NDUFV2: variants seen among roughly 807,000 people sequenced by gnomAD.
NDUFV2 encodes the protein NADH:ubiquinone oxidoreductase core subunit V2, also known as NADH dehydrogenase [ubiquinone] flavoprotein 2, mitochondrial.
A neutral mutation model predicts 31.6 loss-of-function variants in NDUFV2; 18 were observed. The observed-to-expected ratio is 0.57, with a 90% CI of 0.39 to 0.84. The LOEUF is 0.84. Ranked by LOEUF, NDUFV2 falls within the 40% of genes least tolerant of loss-of-function variation. The pLI is 0.00. For missense variants in NDUFV2, 314 were observed against 303.6 expected, an observed-to-expected ratio of 1.03 and a Z score of -0.26; for synonymous variants, 83 against 99.8, an observed-to-expected ratio of 0.83 and a Z score of 1.01.
At chr18:9,104,071 C>A in intron 1 of NDUFV2, 1 of 1,410,714 alleles carries the variant, frequency 7.1e-7, no homozygotes, top group Non-Finnish European at 9.8e-7. Context: ...TAGGGTCATC[C>A]AATGTGGTTT....
chr18:9,108,029 CTTGTCCTTAGAACAA>C (rs1022409500), intron 1 of NDUFV2, among the ~76,000 whole-genome samples: 1 of 152,118 alleles, frequency 6.6e-6, no homozygotes, highest in African/African-American at 2.4e-5. Context: ...ATAAATTATT[CTTGTCCTTAGAACAA>C]TTGGTTGTTG....
intron 1 of NDUFV2, among the ~76,000 whole-genome samples, chr18:9,104,479 G>C (rs778930065): frequency 4.6e-5 from 7 of 152,196 alleles, no homozygotes; most frequent in Non-Finnish European, 1.0e-4. Flanking sequence ...GGTGAAAGAT[G>C]ATGAGGATCA....
chr18:9,126,637 G>A (rs545798452), intron 6 of NDUFV2, 194 bp from the exon 7 acceptor site: 31 of 544,990 alleles, frequency 5.7e-5, no homozygotes, highest in South Asian at 4.3e-4. Flanking sequence ...GATTTCAGCC[G>A]TAGAAAGTAA....
At chr18:9,112,106 C>T (rs1440401219) in intron 1 of NDUFV2, among the ~76,000 whole-genome samples, 1 of 151,130 alleles carries the variant, frequency 6.6e-6, no homozygotes, top group Non-Finnish European at 1.5e-5. Flanking sequence ...GCAACCTCCA[C>T]CTCCTGGGTT....
intron 7 of NDUFV2, among the ~76,000 whole-genome samples, chr18:9,131,619 A>T (rs2078040782): frequency 6.6e-6 from 1 of 152,236 alleles, no homozygotes; most frequent in Non-Finnish European, 1.5e-5. Context: ...ATATCTCAGC[A>T]ATAGTAAAAA....
intron 1 of NDUFV2, among the ~76,000 whole-genome samples, chr18:9,108,499 A>G (rs1239228435): frequency 6.6e-6 from 1 of 152,186 alleles, no homozygotes; most frequent in Non-Finnish European, 1.5e-5. Flanking sequence ...ACAAGATAAT[A>G]ATACCTACTT....
At chr18:9,129,904 T>C (rs547871757) in intron 7 of NDUFV2, among the ~76,000 whole-genome samples, 17 of 152,216 alleles carry the variant, frequency 1.1e-4, no homozygotes, top group Non-Finnish European at 2.2e-4. Context: ...ATGTGGAGAT[T>C]AGAATTTAGT....
intron 5 of NDUFV2, among the ~76,000 whole-genome samples, chr18:9,123,645 C>T (rs2077960027): frequency 1.3e-5 from 2 of 152,044 alleles, no homozygotes; most frequent in East Asian, 3.8e-4. Flanking sequence ...CTGCCAAGCC[C>T]AGCTAATTGA....
intron 1 of NDUFV2, chr18:9,104,151 T>C (rs1415826335): frequency 6.2e-7 from 1 of 1,612,554 alleles, no homozygotes; most frequent in Non-Finnish European, 8.5e-7. Flanking sequence ...GTATTCTAGG[T>C]GGAAAGGACA....
intron 4 of NDUFV2, among the ~76,000 whole-genome samples, chr18:9,122,179 A>G (rs2077942399): frequency 6.6e-6 from 1 of 152,214 alleles, no homozygotes; most frequent in African/African-American, 2.4e-5. Context: ...GTGAGTTGAC[A>G]TGATCAAAGT....
chr18:9,116,446 T>A (rs2144738266), intron 1 of NDUFV2, among the ~76,000 whole-genome samples: 1 of 152,308 alleles, frequency 6.6e-6, no homozygotes, highest in South Asian at 2.1e-4. Context: ...ATTAAAAAAA[T>A]TTTCTGAGCT....
Position 9,117,825 on chromosome 18 carries a change from T to G in NDUFV2, c.55-13T>G. On this transcript the variant is annotated splice_polypyrimidine_tract_variant and intron_variant, in intron 1 of 7. Transcript: ENST00000318388. Reference sequence around the variant, plus strand: ...TATGATTTACTAAACTTTCTTAAAATTTTAAATTTTAGGGAAGACATGTAA... The same window carrying G: ...TATGATTTACTAAACTTTCTTAAAAGTTTAAATTTTAGGGAAGACATGTAA... The G allele has an allele frequency of 6.5e-7, 1 of 1,539,528 alleles. No individual in the cohort carries two copies. Among genetic ancestry groups the G allele is most frequent in the Non-Finnish European group, 9.0e-7 (1 of 1,113,474 alleles).
chr18:9,124,785 T>C, intron 5 of NDUFV2, 89 bp from the exon 6 acceptor site: 4 of 1,311,206 alleles, frequency 3.1e-6, no homozygotes, highest in East Asian at 2.6e-5. Flanking sequence ...ACTTTTAATA[T>C]ACCTCTATAA....
At chr18:9,124,457 T>G (rs2077969584) in intron 5 of NDUFV2, among the ~76,000 whole-genome samples, 1 of 148,962 alleles carries the variant, frequency 6.7e-6, no homozygotes, top group African/African-American at 2.5e-5. Flanking sequence ...CTTTTTTTTT[T>G]TTTTTTTTGG....
chr18:9,127,351 A>G (rs1328851301), intron 7 of NDUFV2, among the ~76,000 whole-genome samples: 1 of 152,148 alleles, frequency 6.6e-6, no homozygotes, highest in Non-Finnish European at 1.5e-5. Context: ...CAATTGTTTC[A>G]TTGTTTTTCT....
intron 4 of NDUFV2, among the ~76,000 whole-genome samples, chr18:9,120,459 G>A (rs1172100944): frequency 6.6e-6 from 1 of 152,124 alleles, no homozygotes; most frequent in Non-Finnish European, 1.5e-5. Context: ...CTAAATCAGT[G>A]CATTTTCTAC....
chr18:9,119,856 C>T (rs1455593515), intron 4 of NDUFV2, among the ~76,000 whole-genome samples: 1 of 151,090 alleles, frequency 6.6e-6, no homozygotes, highest in Non-Finnish European at 1.5e-5. Context: ...AGGAAATGGT[C>T]AAAGATAAAA....
At chr18:9,104,837 CAA>C (rs2077833562) in intron 1 of NDUFV2, 2 of 1,195,550 alleles carry the variant, frequency 1.7e-6, no homozygotes, top group East Asian at 5.7e-5. Flanking sequence ...GTAGAAAAAA[CAA>C]TACTGAGACT....
chr18:9,121,352 ACAGT>A (rs1039643107), intron 4 of NDUFV2: 1 of 152,178 alleles, frequency 6.6e-6, no homozygotes, highest in African/African-American at 2.4e-5. Flanking sequence ...TCCTAATTAG[ACAGT>A]CAGAGCCTCA....
Sources: allele counts gnomAD v4.1 joint callset (sites outside exome capture counted in the v4.1 genomes callset), GRCh38; gene constraint gnomAD v4.1.1; transcripts MANE v1.5; gene names NCBI Gene and HGNC (gene_info 2026-07-23, HGNC 2026-07-21).